Variants in PRKCZ observed in about 807,000 individuals in gnomAD.
PRKCZ encodes the protein protein kinase C zeta.
In PRKCZ, 33 loss-of-function variants were observed where a neutral mutation model predicts 79.5. The ratio of observed to expected loss-of-function variants is 0.41; its 90% confidence interval spans 0.31 to 0.55. The LOEUF is 0.55. PRKCZ is among the 20% of genes least tolerant of loss of function. The pLI is 0.19. For synonymous variants in PRKCZ, 342 were observed against 320.9 expected (o/e 1.07, Z -0.70); for missense variants, 578 against 813.5 (o/e 0.71, Z 3.52).
At chr1:2,088,311 C>T (rs1446557382) in intron 4 of PRKCZ, among the ~76,000 whole-genome samples, 3 of 152,224 alleles carry the variant, frequency 2.0e-5, no homozygotes, top group African/African-American at 2.4e-5. Context: ...GGGGTCTGCA[C>T]GCCCCTCCCT....
At position 2,146,079 on chromosome 1, in the gene PRKCZ, C is replaced by G. The variant is rs746599040; in HGVS notation, c.605C>G (p.Ala202Gly). The change falls in exon 7 of 18, where the codon GCC (alanine) becomes GGC (glycine). Residue 202 changes from alanine (A) to glycine (G), a missense_variant. Transcript: ENST00000378567. ...CCAGTAGACGACAAGAACGAGGACG[C>G]CGACCTTCCTTCCGAGGAGACAGAT... ...EPPVDDKNED[A>G]DLPSEETDGI... The G allele has an allele frequency of 1.9e-6, 3 of 1,614,110 alleles. No individual in the cohort carries two copies. Among genetic ancestry groups the G allele is most frequent in the Non-Finnish European group, 8.5e-7 (1 of 1,179,972 alleles).
At chr1:2,088,739 G>A (rs1007358896) in intron 4 of PRKCZ, among the ~76,000 whole-genome samples, 7 of 152,168 alleles carry the variant, frequency 4.6e-5, no homozygotes, top group Admixed American at 2.0e-4. Flanking sequence ...CCTCCCAGGC[G>A]GCGGCGTCTC....
intron 6 of PRKCZ, among the ~76,000 whole-genome samples, 193 bp from the exon 7 acceptor site, chr1:2,145,834 C>T (rs930880584): frequency 6.6e-6 from 1 of 152,118 alleles, no homozygotes; most frequent in African/African-American, 2.4e-5. Flanking sequence ...GAGGATTGCT[C>T]GAGCTCAGGA....
chr1:2,136,930 C>T (rs1676314718), intron 5 of PRKCZ, among the ~76,000 whole-genome samples: 1 of 152,130 alleles, frequency 6.6e-6, no homozygotes, highest in African/African-American at 2.4e-5. Context: ...GGGATGGTAC[C>T]AATGGGATGC....
chr1:2,057,899 G>A (rs896397891), intron 3 of PRKCZ, among the ~76,000 whole-genome samples: 1 of 148,430 alleles, frequency 6.7e-6, no homozygotes, highest in African/African-American at 2.5e-5. Context: ...TTGGAGTCTC[G>A]CTCTGTCGCC....
chr1:2,176,247 C>T (rs970877183), intron 16 of PRKCZ, among the ~76,000 whole-genome samples: 7 of 152,228 alleles, frequency 4.6e-5, no homozygotes, highest in Admixed American at 1.3e-4. Context: ...AGGAGGGGGC[C>T]GAATGTCCCG....
chr1:2,171,919 T>A, intron 11 of PRKCZ, 136 bp from the exon 12 acceptor site: 1 of 1,160,138 alleles, frequency 8.6e-7, no homozygotes, highest in Non-Finnish European at 1.2e-6. Context: ...CACTGCACTT[T>A]CAAATCCTGG....
intron 6 of PRKCZ, 169 bp downstream of exon 6, chr1:2,144,510 C>T: frequency 1.4e-6 from 2 of 1,430,814 alleles, no homozygotes; most frequent in Admixed American, 2.8e-5. Flanking sequence ...TTGGATAGGA[C>T]CCATCTTCCT....
At chr1:2,069,482 C>T (rs1011446486) in intron 4 of PRKCZ, among the ~76,000 whole-genome samples, 30 of 152,222 alleles carry the variant, frequency 2.0e-4, no homozygotes, top group African/African-American at 6.8e-4. Flanking sequence ...CTTTTCTTTA[C>T]CTGTAAAACG....
At chr1:2,152,735 C>T (rs921967384) in intron 9 of PRKCZ, among the ~76,000 whole-genome samples, 1 of 152,232 alleles carries the variant, frequency 6.6e-6, no homozygotes, top group African/African-American at 2.4e-5. Flanking sequence ...CTTCCGTCTT[C>T]TGCACGCTTG....
intron 10 of PRKCZ, among the ~76,000 whole-genome samples, chr1:2,158,758 G>A (rs1250668008): frequency 1.3e-5 from 2 of 152,176 alleles, no homozygotes; most frequent in East Asian, 3.8e-4. Context: ...CTGCACTTGT[G>A]TCTTTGGACT....
rs202143346 is a variant in PRKCZ, at chr1:2,148,944, C to G, written c.687+20C>G. On this transcript the variant is annotated intron_variant, in intron 8 of 17. Coordinates refer to ENST00000378567, the MANE Select transcript of PRKCZ (RefSeq NM_002744.6). ...TCGGAGGTGAGTGTGTGGAGCAGCT[C>G]GCTGCCATTTCCGACGTCCTCTGGA... The G allele has an allele frequency of 1.2e-6, 2 of 1,612,150 alleles. No individual in the cohort carries two copies. The highest frequency in any genetic ancestry group is 1.7e-6 in the Non-Finnish European group (2 of 1,178,326).
intron 1 of PRKCZ, among the ~76,000 whole-genome samples, chr1:2,052,818 T>G (rs144248774): frequency 8.5e-5 from 13 of 152,140 alleles, no homozygotes; most frequent in African/African-American, 3.1e-4. Context: ...TCCGTGGGGG[T>G]AGCTGAGCGT....
chr1:2,122,854 A>G (rs1571588971), intron 4 of PRKCZ, among the ~76,000 whole-genome samples: 1 of 2,528 alleles, frequency 4.0e-4, no homozygotes, highest in African/African-American at 3.1e-3. Flanking sequence ...TGTGGTGGTT[A>G]GGGTTGTGGT....
At chr1:2,055,939 C>T (rs367994541) in intron 2 of PRKCZ, 234 of 201,950 alleles carry the variant, frequency 1.2e-3, no homozygotes, top group African/African-American at 4.9e-3. Flanking sequence ...GCACAAGCAG[C>T]CAGGGCCTGC....
chr1:2,105,089 C>T (rs1039401605), intron 4 of PRKCZ, among the ~76,000 whole-genome samples: 3 of 152,206 alleles, frequency 2.0e-5, no homozygotes, highest in African/African-American at 7.2e-5. Flanking sequence ...CTTATCACAG[C>T]ACACGTCTGT....
At chr1:2,166,055 G>C (rs1275286694) in intron 10 of PRKCZ, among the ~76,000 whole-genome samples, 5 of 152,212 alleles carry the variant, frequency 3.3e-5, no homozygotes, top group Admixed American at 1.3e-4. Flanking sequence ...GTTCCTGAGA[G>C]CTGCACTTTG....
chr1:2,115,647 T>G (rs1408087010), intron 4 of PRKCZ, among the ~76,000 whole-genome samples: 1 of 152,206 alleles, frequency 6.6e-6, no homozygotes, highest in Non-Finnish European at 1.5e-5. Flanking sequence ...CAACTGGCTG[T>G]GAATCGGGGG....
intron 4 of PRKCZ, among the ~76,000 whole-genome samples, chr1:2,111,188 C>T (rs748444730): frequency 9.9e-5 from 15 of 151,948 alleles, no homozygotes; most frequent in Non-Finnish European, 2.1e-4. Context: ...GGGCCTAACT[C>T]GGGCTGAGCT....
Sources: allele counts gnomAD v4.1 joint callset (sites outside exome capture counted in the v4.1 genomes callset), GRCh38; gene constraint gnomAD v4.1.1; transcripts MANE v1.5; gene names NCBI Gene and HGNC (gene_info 2026-07-23, HGNC 2026-07-21).